Variants in PTPRO observed in about 807,000 individuals in gnomAD.
PTPRO encodes the protein protein tyrosine phosphatase receptor type O, also known as receptor-type tyrosine-protein phosphatase O.
In PTPRO, 62 loss-of-function variants were observed where a neutral mutation model predicts 145.2. That is an observed-to-expected ratio of 0.43 (90% confidence interval 0.35 to 0.53). PTPRO has a LOEUF of 0.53. Among genes scored for constraint, PTPRO ranks in the 20% least tolerant of loss-of-function variants. PTPRO has a pLI of 0.01. For missense variants in PTPRO, 1,345 were observed against 1,482.7 expected (o/e 0.91, Z 1.53); for synonymous variants, 565 against 514.7 (o/e 1.10, Z -1.32).
intron 1 of PTPRO, among the ~76,000 whole-genome samples, chr12:15,446,715 G>C (rs899519346): frequency 4.6e-5 from 7 of 150,928 alleles, no homozygotes; most frequent in African/African-American, 7.3e-5. Context: ...TATAATAGAA[G>C]TCCTTTTTTC....
In PTPRO at chr12:15,322,669, C is replaced by A; in HGVS notation, c.-58C>A. ...TGCAGCCCCAGTTCGCCATTGTGAG[C>A]CGCCGCCGGGGGAGTCCGCTAGCGC... On this transcript the variant is annotated 5_prime_UTR_variant, in exon 1 of 27. Transcript: ENST00000281171. This position sits in a 1 kb window ranked among gnomAD's most constrained non-coding sequence, Gnocchi z 6.3. The A allele has an allele frequency of 6.8e-7, 1 of 1,476,244 alleles. No homozygotes were observed. 91.4% of individuals were successfully genotyped at this position (1,476,244 alleles called of 1,614,324 possible).
intron 23 of PTPRO, among the ~76,000 whole-genome samples, chr12:15,583,479 C>CCACACACA (rs199602074): frequency 6.6e-5 from 10 of 150,614 alleles, no homozygotes; most frequent in Admixed American, 2.0e-4. Flanking sequence ...GACTCTATCT[C>CCACACACA]CACACACACA....
intron 2 of PTPRO, among the ~76,000 whole-genome samples, chr12:15,491,110 G>A (rs1270081512): frequency 2.0e-5 from 3 of 152,216 alleles, no homozygotes. Context: ...GCCAGGTCAG[G>A]TCTCAAATGA....
intron 1 of PTPRO, among the ~76,000 whole-genome samples, chr12:15,404,242 A>C (rs546495843): frequency 1.1e-4 from 17 of 152,018 alleles, no homozygotes; most frequent in African/African-American, 4.1e-4. Flanking sequence ...ACATAAAATA[A>C]ATAGTATTTG....
At chr12:15,344,348 A>G (rs1421632363) in intron 1 of PTPRO, among the ~76,000 whole-genome samples, 4 of 152,216 alleles carry the variant, frequency 2.6e-5, no homozygotes, top group Non-Finnish European at 5.9e-5. Flanking sequence ...GACTTTTCAG[A>G]GCACTCTTTT....
intron 17 of PTPRO, among the ~76,000 whole-genome samples, chr12:15,564,858 AATAG>A (rs1565432237): frequency 6.6e-6 from 1 of 152,240 alleles, no homozygotes; most frequent in Non-Finnish European, 1.5e-5. Context: ...AAAGTGCTTC[AATAG>A]ATACTGTTAG....
intron 1 of PTPRO, among the ~76,000 whole-genome samples, chr12:15,481,331 A>AG: frequency 6.6e-6 from 1 of 152,334 alleles, no homozygotes; most frequent in East Asian, 1.9e-4. Flanking sequence ...TTTTCCTAGG[A>AG]GGCCACAGCC....
intron 1 of PTPRO, among the ~76,000 whole-genome samples, chr12:15,429,398 C>T (rs1485556674): frequency 6.6e-6 from 1 of 152,066 alleles, no homozygotes; most frequent in Non-Finnish European, 1.5e-5. Context: ...CAAGCCAGGG[C>T]AGGATGATGA....
rs77519649 is a variant in PTPRO, at chr12:15,392,437, C to G, written c.75+69636C>G. Among the ~76,000 whole-genome samples, 4 of 152,044 alleles carry G rather than the reference C, an allele frequency of 2.6e-5. No individual in the cohort carries two copies. In the South Asian group the frequency reaches 8.3e-4, roughly 32 times the overall value. ...AGATAAGCTTTAAAGAAGGGGAGCC[C>G]AGGCCAGGCATGGTGGCTCATCCCT... On this transcript the variant is annotated intron_variant, in intron 1 of 26. Transcript: ENST00000281171.
At chr12:15,589,324 C>G in intron 24 of PTPRO, 131 bp from the exon 25 acceptor site, 3 of 1,262,180 alleles carry the variant, frequency 2.4e-6, no homozygotes, top group Non-Finnish European at 3.4e-6. Flanking sequence ...TGCAGTGAGC[C>G]GAGATCATGC....
Position 15,336,544 on chromosome 12 carries a change from T to C in PTPRO, c.75+13743T>C, listed in dbSNP as rs529826264. Among the ~76,000 whole-genome samples, 4 of 152,324 alleles carry C rather than the reference T, an allele frequency of 2.6e-5. No individual in the cohort carries two copies. The East Asian group carries it at 5.8e-4, about 22-fold the overall frequency. ...ACACATAGCAAAACTTCAGAGGCTA[T>C]ATTGGCAGGCATTTATTTTCCATTT... On this transcript the variant is annotated intron_variant, in intron 1 of 26. Transcript: ENST00000281171.
intron 1 of PTPRO, among the ~76,000 whole-genome samples, chr12:15,385,855 C>T (rs1407273840): frequency 6.9e-6 from 1 of 145,110 alleles, no homozygotes; most frequent in Non-Finnish European, 1.5e-5. Flanking sequence ...AGGACAGATG[C>T]TAGATAGATA....
At chr12:15,497,736 G>A (rs1274772598) in intron 3 of PTPRO, among the ~76,000 whole-genome samples, 1 of 152,174 alleles carries the variant, frequency 6.6e-6, no homozygotes, top group African/African-American at 2.4e-5. Context: ...TTTCTTTCTG[G>A]GTATGATAGA....
chr12:15,326,813 C>T (rs945852996), intron 1 of PTPRO, among the ~76,000 whole-genome samples: 5 of 152,134 alleles, frequency 3.3e-5, no homozygotes, highest in Non-Finnish European at 5.9e-5. Flanking sequence ...AATGCCTCTC[C>T]GTACACAGTT....
intron 7 of PTPRO, among the ~76,000 whole-genome samples, chr12:15,514,743 T>G (rs1218472464): frequency 6.6e-6 from 1 of 151,894 alleles, no homozygotes; most frequent in Non-Finnish European, 1.5e-5. Flanking sequence ...TCCATTTATT[T>G]ATTTATTTAT....
intron 1 of PTPRO, among the ~76,000 whole-genome samples, chr12:15,420,144 C>T (rs1240913251): frequency 1.6e-5 from 1 of 61,840 alleles, no homozygotes; most frequent in Non-Finnish European, 2.8e-5. Context: ...GAGACTCCGA[C>T]TCAGAAAAAA....
intron 7 of PTPRO, among the ~76,000 whole-genome samples, chr12:15,513,144 A>G (rs577511559): frequency 0.017 from 752 of 44,246 alleles, 37 homozygotes; most frequent in East Asian, 0.032. Flanking sequence ...AGGAAGGAAG[A>G]AAGAAAGAAA....
chr12:15,418,318 A>G (rs1591794348), intron 1 of PTPRO, among the ~76,000 whole-genome samples: 2 of 151,862 alleles, frequency 1.3e-5, no homozygotes, highest in East Asian at 1.9e-4. Context: ...TGTTAACTCC[A>G]TAATTTCTCT....
chr12:15,478,928 C>T (rs1433820913), intron 1 of PTPRO, among the ~76,000 whole-genome samples: 1 of 152,178 alleles, frequency 6.6e-6, no homozygotes, highest in African/African-American at 2.4e-5. Context: ...GCCTCGGCCT[C>T]CCAAAGTGGT....
Sources: gnomAD v4.1 joint callset for allele counts (sites outside exome capture counted in the v4.1 genomes callset) on GRCh38, gnomAD v4.1.1 for gene constraint, Gnocchi (gnomAD v3.1) non-coding constraint, MANE v1.5 for transcripts, NCBI Gene and HGNC (gene_info 2026-07-23, HGNC 2026-07-21) for gene names.